MYH11: variants seen among roughly 807,000 people sequenced by gnomAD.
The protein encoded by MYH11 is myosin heavy chain 11, also known as myosin-11.
A neutral mutation model predicts 246.6 loss-of-function variants in MYH11; 80 were observed. The observed-to-expected ratio is 0.32, with a 90% confidence interval of 0.27 to 0.39. MYH11 has a LOEUF of 0.39. Ranked by LOEUF, MYH11 falls within the 10% of genes least tolerant of loss-of-function variation. The pLI, the probability that MYH11 is intolerant of heterozygous loss-of-function variation, is 1.00. For synonymous variants in MYH11, 1,071 were observed against 1,015.5 expected (o/e 1.05, Z -1.04); for missense variants, 2,158 against 2,546.8 (o/e 0.85, Z 3.29).
chr16:15,741,205 A>C, intron 22 of MYH11: 1 of 598,516 alleles, frequency 1.7e-6, no homozygotes, highest in East Asian at 2.8e-5. Context: ...TAACAAATAC[A>C]ATTATCCTCC....
Position 15,734,362 on chromosome 16 carries a change from G to A in MYH11, c.3506+1004C>T, listed in dbSNP as rs569137329. 3.9e-5 allele frequency among the ~76,000 whole-genome samples: 6 copies of A among 152,092 alleles called. No homozygotes were observed. In the East Asian group the frequency reaches 1.2e-3, roughly 29 times the overall value. On this transcript the variant is annotated intron_variant, in intron 26 of 40. Transcript: ENST00000300036. Reference sequence around the variant, plus strand: ...CACCCAGGCTGGAGTGCGATGGTGCGATCTCAGCTCACTGCAACCTCTGCC... The same window carrying A: ...CACCCAGGCTGGAGTGCGATGGTGCAATCTCAGCTCACTGCAACCTCTGCC...
At chr16:15,763,741 T>TGGGGGGGC in intron 10 of MYH11, 55 bp downstream of exon 10, 2 of 646,860 alleles carry the variant, frequency 3.1e-6, no homozygotes, top group Non-Finnish European at 5.8e-6. Flanking sequence ...AAATGTCACC[T>TGGGGGGGC]CCCCCACCCC....
chr16:15,736,129 T>C (rs895230872), intron 25 of MYH11, among the ~76,000 whole-genome samples: 2 of 152,198 alleles, frequency 1.3e-5, no homozygotes, highest in African/African-American at 4.8e-5. Flanking sequence ...GCAAGCACTT[T>C]GATTTTACTG....
intron 12 of MYH11, among the ~76,000 whole-genome samples, 180 bp downstream of exon 12, chr16:15,759,396 A>G (rs1024511195): frequency 6.6e-6 from 1 of 151,864 alleles, no homozygotes; most frequent in African/African-American, 2.4e-5. Flanking sequence ...AGTTCCAGAA[A>G]CCAATGCATT....
intron 40 of MYH11, among the ~76,000 whole-genome samples, chr16:15,704,905 C>G (rs538289369): frequency 3.6e-4 from 55 of 152,308 alleles, no homozygotes; most frequent in African/African-American, 1.3e-3. Flanking sequence ...TCTGGAACTC[C>G]TGAGCTCAAG....
chr16:15,804,286 T>G (rs1046904036), intron 3 of MYH11, among the ~76,000 whole-genome samples: 6 of 152,118 alleles, frequency 3.9e-5, no homozygotes, highest in East Asian at 3.9e-4. Context: ...ATCCCAGCAC[T>G]TTGGGAGGCC....
intron 3 of MYH11, among the ~76,000 whole-genome samples, chr16:15,813,383 C>A (rs1244198230): frequency 6.6e-6 from 1 of 152,056 alleles, no homozygotes; most frequent in African/African-American, 2.4e-5. Flanking sequence ...TTTTGTCAGC[C>A]TTCTTTACTT....
chr16:15,714,081 C>T (rs2039977052), intron 40 of MYH11: 1 of 152,402 alleles, frequency 6.6e-6, no homozygotes, highest in Non-Finnish European at 1.5e-5. Flanking sequence ...GCTGCGTCGC[C>T]CACCTGGATG....
intron 27 of MYH11, 133 bp from the exon 28 acceptor site, chr16:15,727,187 T>G: frequency 1.3e-6 from 1 of 772,432 alleles, no homozygotes; most frequent in South Asian, 1.5e-5. Flanking sequence ...CAGTAAGAGA[T>G]TTGGGGTTTT....
rs201124471 is a variant in MYH11 at position 15,724,114 on chromosome 16, C to A, written c.4365+47G>T. The A allele has an allele frequency of 3.3e-3, 5,242 of 1,610,322 alleles. 9 individuals are homozygous for A. The highest frequency in any genetic ancestry group is 4.1e-3 in the Non-Finnish European group (4,866 of 1,180,010). On this transcript the variant is annotated intron_variant, in intron 31 of 40. Transcript: ENST00000300036. The stretch of plus-strand genomic sequence containing the variant: ...GTCATACTCTGCAGAGCTGATTCCC[C>A]AACCCAGCGTCCATGGCCAGAGTGG...
intron 34 of MYH11, 23 bp downstream of exon 34, chr16:15,720,128 C>T (rs1027925751): frequency 1.9e-6 from 3 of 1,613,986 alleles, no homozygotes; most frequent in Non-Finnish European, 2.5e-6. Context: ...CCACCCATGC[C>T]CCAAGCTCCT....
intron 40 of MYH11, among the ~76,000 whole-genome samples, chr16:15,712,543 C>T (rs996818866): frequency 4.6e-5 from 7 of 151,984 alleles, no homozygotes; most frequent in Non-Finnish European, 7.4e-5. Context: ...TTGCAGTGAG[C>T]TGAGATAGTG....
chr16:15,763,741 T>TCGGGGGCCCCCCCCC, intron 10 of MYH11, 55 bp downstream of exon 10: 1 of 646,860 alleles, frequency 1.5e-6, no homozygotes, highest in Non-Finnish European at 2.9e-6. Context: ...AAATGTCACC[T>TCGGGGGCCCCCCCCC]CCCCCACCCC....
rs769039303 is a variant in MYH11, at chr16:15,750,080, G to A, written c.2058+58C>T. ...GCAGAGGGCGCCCTGGGGACGCTGT[G>A]ACCGCTTGGGACAGCCCTGGCTTCT... is the stretch of plus-strand genomic sequence containing the variant. On this transcript the variant is annotated intron_variant, in intron 16 of 40. Transcript: ENST00000300036. The surrounding 1 kb of genome is among the most constrained non-coding windows in gnomAD (Gnocchi z 4.3). The A allele has an allele frequency of 1.2e-6, 2 of 1,602,840 alleles. No homozygotes were observed. Among genetic ancestry groups the A allele is most frequent in the Admixed American group, 3.4e-5 (2 of 59,640 alleles).
intron 20 of MYH11, 134 bp from the exon 21 acceptor site, chr16:15,742,025 A>G: frequency 7.3e-7 from 1 of 1,375,956 alleles, no homozygotes; most frequent in Non-Finnish European, 1.0e-6. Flanking sequence ...TTGTCTGGAG[A>G]CACTGCTGAT....
At chr16:15,726,660 G>C (rs2040776690) in intron 28 of MYH11, 188 bp downstream of exon 28, 1 of 707,854 alleles carries the variant, frequency 1.4e-6, no homozygotes, top group Non-Finnish European at 2.4e-6. Flanking sequence ...GAGCCACCGT[G>C]CCTGGCCAGA....
At chr16:15,716,652 G>A (rs2040165552) in intron 38 of MYH11, among the ~76,000 whole-genome samples, 1 of 152,178 alleles carries the variant, frequency 6.6e-6, no homozygotes, top group South Asian at 2.1e-4. Flanking sequence ...CTCCTGAGTA[G>A]CTGAGATAAT....
intron 1 of MYH11, among the ~76,000 whole-genome samples, chr16:15,838,765 C>A (rs2043973432): frequency 1.3e-5 from 2 of 148,926 alleles, no homozygotes; most frequent in Admixed American, 6.8e-5. Flanking sequence ...GAGGCTCAGG[C>A]AGAATTGCTC....
At chr16:15,787,481 CTTTTTT>C (rs370002467) in intron 4 of MYH11, among the ~76,000 whole-genome samples, 19,090 of 116,078 alleles carry the variant, frequency 0.16, 1,425 homozygotes, top group Admixed American at 0.2. Context: ...GAATTATCTA[CTTTTTT>C]TTTTTTTTTT....
Sources: gnomAD v4.1 joint callset for allele counts (sites outside exome capture counted in the v4.1 genomes callset) on GRCh38, gnomAD v4.1.1 for gene constraint, Gnocchi (gnomAD v3.1) non-coding constraint, MANE v1.5 for transcripts, NCBI Gene and HGNC (gene_info 2026-07-23, HGNC 2026-07-21) for gene names.